The following MEF2D variants were observed in gnomAD, a reference collection of about 807,000 sequenced individuals.
MEF2D encodes the protein myocyte-specific enhancer factor 2D.
MEF2D carries 10 observed loss-of-function variants against 59.3 expected under a neutral mutation model. That is an observed-to-expected ratio of 0.17 (90% CI 0.10 to 0.29). The LOEUF (loss-of-function observed/expected upper bound fraction) is 0.29. MEF2D is among the 10% of genes least tolerant of loss of function. The pLI, the probability that MEF2D is intolerant of heterozygous loss-of-function variation, is 1.00. For synonymous variants in MEF2D, 305 were observed against 295.0 expected (o/e 1.03, Z -0.35); for missense variants, 508 against 699.4 (o/e 0.73, Z 3.09).
chr1:156,500,334 A>G (rs913474626), intron 1 of MEF2D, among the ~76,000 whole-genome samples, 152 bp downstream of exon 1: 3 of 152,106 alleles, frequency 2.0e-5, no homozygotes, highest in African/African-American at 7.2e-5. Flanking sequence ...CCACACGAAA[A>G]CACGGCCCGC....
intron 3 of MEF2D, 62 bp downstream of exon 3, chr1:156,482,375 G>A: frequency 6.4e-7 from 1 of 1,565,798 alleles, no homozygotes. Context: ...CATGCAACGT[G>A]GGCACGTGTC....
intron 1 of MEF2D, among the ~76,000 whole-genome samples, chr1:156,495,601 C>T (rs1025114819): frequency 6.6e-6 from 1 of 151,768 alleles, no homozygotes; most frequent in African/African-American, 2.4e-5. Context: ...GAATGGGAGG[C>T]TGCAGTGAGC....
chr1:156,477,579 A>G (rs1294258170), intron 6 of MEF2D, among the ~76,000 whole-genome samples: 1 of 152,204 alleles, frequency 6.6e-6, no homozygotes, highest in Admixed American at 6.5e-5. Flanking sequence ...CTCCACAGAC[A>G]GGAAGTCCAG....
In MEF2D at chr1:156,479,275, G is replaced by A. The variant is rs370962898; in HGVS notation, c.664+15C>T. The A allele has an allele frequency of 1.9e-6, 3 of 1,603,596 alleles. No individual in the cohort carries two copies. In the African/African-American group the frequency reaches 4.0e-5, roughly 22 times the overall value. ...ACCCCTCCCCACCTCCAGGTAGAAGGATGACTGCACTCACCAACAGGGCTG... is the reference window on the plus strand; with the variant it reads ...ACCCCTCCCCACCTCCAGGTAGAAGAATGACTGCACTCACCAACAGGGCTG... On this transcript the variant is annotated intron_variant, in intron 6 of 11. Transcript: ENST00000348159.
chr1:156,492,012 T>TA (rs1277166744), intron 1 of MEF2D, among the ~76,000 whole-genome samples: 5 of 152,236 alleles, frequency 3.3e-5, no homozygotes, highest in African/African-American at 1.2e-4. Context: ...CTGGGTCCCC[T>TA]ACTCTTGTCT....
At chr1:156,484,772 A>C (rs1171560) in intron 1 of MEF2D, among the ~76,000 whole-genome samples, 1 of 152,226 alleles carries the variant, frequency 6.6e-6, no homozygotes, top group African/African-American at 2.4e-5. Context: ...CCATAGGATA[A>C]GAGGGGGCTC....
chr1:156,483,837 T>C (rs949933511), intron 1 of MEF2D, among the ~76,000 whole-genome samples: 1 of 152,196 alleles, frequency 6.6e-6, no homozygotes, highest in Non-Finnish European at 1.5e-5. Context: ...GAGACAACGC[T>C]GAGAGGACAT....
Position 156,475,203 on chromosome 1 carries a change from G to A in MEF2D, c.911C>T (p.Thr304Ile). ...NAQRLGVSQS[T>I]HSLTTPVVSV... Reference sequence around the variant, plus strand: ...AACCACTGGGGTGGTGAGCGAATGAGTAGACTGGGAGACCCCAAGGCGCTG... The same window carrying A: ...AACCACTGGGGTGGTGAGCGAATGAATAGACTGGGAGACCCCAAGGCGCTG... Residue 304 changes from threonine (T) to isoleucine (I), a missense_variant, in exon 9 of 12, where the codon ACT becomes ATT. Physicochemically the swap from Thr to Ile is moderately conservative, Grantham distance 89. This residue lies in a region of MEF2D where 481 missense variants were observed against 584.7 expected (regional missense o/e 0.82). Transcript: ENST00000348159. The A allele has an allele frequency of 6.2e-7, 1 of 1,613,842 alleles. No homozygotes were observed. Among genetic ancestry groups the A allele is most frequent in the African/African-American group, 1.3e-5 (1 of 75,058 alleles).
chr1:156,495,663 C>CA (rs967747205), intron 1 of MEF2D, among the ~76,000 whole-genome samples: 11 of 130,684 alleles, frequency 8.4e-5, no homozygotes, highest in Admixed American at 3.7e-4. Context: ...GATCCTACCT[C>CA]AAAAAAAATT....
At chr1:156,472,032 C>T (rs2102013938) in intron 9 of MEF2D, among the ~76,000 whole-genome samples, 1 of 152,332 alleles carries the variant, frequency 6.6e-6, no homozygotes, top group South Asian at 2.1e-4. Flanking sequence ...CCCAGGTTGG[C>T]TGACACCAAC....
rs1378462673 is a variant in MEF2D at position 156,465,796 on chromosome 1, G to C, written c.*1849C>G. The C allele has an allele frequency of 6.6e-6, 1 of 152,182 alleles. No homozygotes were observed. Among genetic ancestry groups the C allele is most frequent in the African/African-American group, 2.4e-5 (1 of 41,422 alleles). 9.4% of individuals were successfully genotyped at this position (152,182 alleles called of 1,614,324 possible). On this transcript the variant is annotated 3_prime_UTR_variant, in exon 12 of 12. Transcript: ENST00000348159. ...CTGCGTAGAGGCCCCTCTGCTTCTG[G>C]TTCCTTCCCTGCATCAAGTATGGGA...
chr1:156,485,519 CTTCTT>C (rs1329636214), intron 1 of MEF2D, among the ~76,000 whole-genome samples: 43 of 99,894 alleles, frequency 4.3e-4, no homozygotes, highest in South Asian at 3.3e-3. Flanking sequence ...CCTTCTCCTT[CTTCTT>C]TTTTTTTTTT....
At chr1:156,475,297 C>G in intron 8 of MEF2D, 60 bp from the exon 9 acceptor site, 1 of 1,510,234 alleles carries the variant, frequency 6.6e-7, no homozygotes, top group Non-Finnish European at 8.8e-7. Flanking sequence ...TATGTTGGCC[C>G]TCCATCCCAA....
chr1:156,485,592 G>A (rs1004212513), intron 1 of MEF2D, among the ~76,000 whole-genome samples: 1 of 150,712 alleles, frequency 6.6e-6, no homozygotes, highest in Non-Finnish European at 1.5e-5. Flanking sequence ...GTCCAGGCTG[G>A]AGTGTACAAA....
In MEF2D at chr1:156,490,247, A is replaced by C. The variant is rs938263511; in HGVS notation, c.-138-6817T>G. Among the ~76,000 whole-genome samples the C allele has an allele frequency of 2.0e-5, 3 of 150,610 alleles. No individual in the cohort carries two copies. In the Middle Eastern group the frequency reaches 0.01, roughly 516 times the overall value. On this transcript the variant is annotated intron_variant, in intron 1 of 11. Transcript: ENST00000348159. ...TGGGCCCCTCTCGGGTCTCCTTCTC[A>C]TGCTCCGTTCCCTCTGCCCCCTCTC... is the stretch of plus-strand genomic sequence containing the variant.
intron 11 of MEF2D, 134 bp downstream of exon 11, chr1:156,467,858 GC>G (rs1670956798): frequency 8.2e-7 from 1 of 1,220,830 alleles, no homozygotes; most frequent in Non-Finnish European, 1.1e-6. Flanking sequence ...TGTTGGTGCT[GC>G]CCTAGAAGGG....
intron 1 of MEF2D, among the ~76,000 whole-genome samples, chr1:156,486,594 C>G (rs1217542484): frequency 6.6e-6 from 1 of 152,152 alleles, no homozygotes; most frequent in African/African-American, 2.4e-5. Flanking sequence ...AGCTGATGAC[C>G]AATACTGCCT....
In MEF2D at chr1:156,468,221, C is replaced by G; in HGVS notation, c.1326G>C (p.Pro442=). The part of the protein sequence containing the change: ...THPHISIKSE[P]VSPSRERSPA... ...GGCTGCGCTCACGGCTTGGGGACAC[C>G]GGTTCTGACTTGATGCTGATGTGGG... The change falls in exon 11 of 12, where the codon CCG becomes CCC. Residue 442 remains proline (P), a synonymous_variant. Transcript: ENST00000348159. This position sits in a 1 kb window ranked among gnomAD's most constrained non-coding sequence, Gnocchi z 4.3. 1.9e-6 allele frequency: 3 copies of G among 1,610,210 alleles called. No homozygotes were observed. The highest frequency in any genetic ancestry group is 1.1e-5 in the South Asian group (1 of 90,570).
At chr1:156,483,095 T>C in intron 2 of MEF2D, 144 bp downstream of exon 2, 1 of 878,752 alleles carries the variant, frequency 1.1e-6, no homozygotes, top group Non-Finnish European at 1.8e-6. Context: ...TTGGGGTTCC[T>C]CTTCTCCCAA....
Sources: gnomAD v4.1 joint callset for allele counts (sites outside exome capture counted in the v4.1 genomes callset) on GRCh38, gnomAD v4.1.1 for gene constraint, gnomAD v4.1.1 regional missense constraint, Gnocchi (gnomAD v3.1) non-coding constraint, MANE v1.5 for transcripts, NCBI Gene and HGNC (gene_info 2026-07-23, HGNC 2026-07-21) for gene names.